The following HYCC1 variants were observed in gnomAD, a reference collection of about 807,000 sequenced individuals.
HYCC1 encodes the protein hyccin PI4KA lipid kinase complex subunit 1.
chr7:22,998,447 A>G, the HYCC1 span, among the ~76,000 whole-genome samples: 1 of 152,160 alleles, frequency 6.6e-6, no homozygotes, highest in African/African-American at 2.4e-5. Flanking sequence ...AACATAGCAC[A>G]TGACTCAGTG....
the HYCC1 span, among the ~76,000 whole-genome samples, chr7:23,012,802 A>G: frequency 3.9e-5 from 6 of 152,202 alleles, no homozygotes; most frequent in Admixed American, 1.3e-4. Context: ...CTTTATGGCA[A>G]TAAGATTTGA....
At chr7:22,911,921 A>G in the HYCC1 span, among the ~76,000 whole-genome samples, 1 of 152,228 alleles carries the variant, frequency 6.6e-6, no homozygotes, top group Non-Finnish European at 1.5e-5. Flanking sequence ...AATCAGTGAA[A>G]TAAGAAGAGA....
the HYCC1 span, among the ~76,000 whole-genome samples, chr7:22,965,283 T>A: frequency 6.6e-6 from 1 of 152,016 alleles, no homozygotes; most frequent in African/African-American, 2.4e-5. Context: ...TCAAACTTCA[T>A]GCAGTATACC....
chr7:22,922,366 T>C, the HYCC1 span, among the ~76,000 whole-genome samples: 1 of 152,226 alleles, frequency 6.6e-6, no homozygotes, highest in African/African-American at 2.4e-5. Flanking sequence ...GCTGAAAATA[T>C]TATAAGTCAA....
the HYCC1 span, among the ~76,000 whole-genome samples, chr7:22,906,544 A>G: frequency 0.017 from 2,535 of 150,230 alleles, 75 homozygotes; most frequent in African/African-American, 0.058. Flanking sequence ...CGCCACTGCA[A>G]TCCAGCCTGG....
At chr7:23,013,488 G>A in the HYCC1 span, among the ~76,000 whole-genome samples, 1 of 152,176 alleles carries the variant, frequency 6.6e-6, no homozygotes, top group Non-Finnish European at 1.5e-5. Flanking sequence ...AGAGGCCAGA[G>A]CATCCGCCGC....
the HYCC1 span, among the ~76,000 whole-genome samples, chr7:22,969,128 AAATATCTG>A: frequency 6.6e-6 from 1 of 152,134 alleles, no homozygotes; most frequent in Non-Finnish European, 1.5e-5. Flanking sequence ...AATATCCTAA[AAATATCTG>A]AGTCTCTGGA....
the HYCC1 span, among the ~76,000 whole-genome samples, chr7:22,989,505 G>A: frequency 6.8e-6 from 1 of 146,676 alleles, no homozygotes; most frequent in African/African-American, 2.5e-5. Flanking sequence ...GCACCAACAC[G>A]CCCAGCTAAT....
chr7:22,936,712 C>T, the HYCC1 span: 2 of 152,056 alleles, frequency 1.3e-5, no homozygotes, highest in African/African-American at 4.8e-5. Context: ...GCAAAGCAGA[C>T]TAGAAATACT....
chr7:23,013,772 G>A, the HYCC1 span, among the ~76,000 whole-genome samples: 1 of 151,724 alleles, frequency 6.6e-6, no homozygotes, highest in Non-Finnish European at 1.5e-5. Context: ...CGCCTCGCGC[G>A]GGAGCCGTTA....
the HYCC1 span, among the ~76,000 whole-genome samples, chr7:22,966,856 A>C: frequency 6.6e-6 from 1 of 152,232 alleles, no homozygotes; most frequent in African/African-American, 2.4e-5. Flanking sequence ...AAGAGTAAAA[A>C]GTAAGCAGGG....
At chr7:22,994,997 A>G in the HYCC1 span, among the ~76,000 whole-genome samples, 3 of 152,090 alleles carry the variant, frequency 2.0e-5, no homozygotes, top group Admixed American at 6.6e-5. Context: ...ATTACCAGCA[A>G]AATCCTCTAC....
At chr7:23,007,245 G>A in the HYCC1 span, among the ~76,000 whole-genome samples, 10 of 152,110 alleles carry the variant, frequency 6.6e-5, no homozygotes, top group Admixed American at 2.0e-4. Flanking sequence ...TCAGTAATAT[G>A]GGGTGAAGAA....
chr7:22,918,741 C>T, the HYCC1 span, among the ~76,000 whole-genome samples: 5 of 152,024 alleles, frequency 3.3e-5, no homozygotes, highest in Admixed American at 6.6e-5. Context: ...CACCCCTGCC[C>T]GCAAGAGAAC....
the HYCC1 span, chr7:22,960,287 C>T: frequency 1.6e-5 from 26 of 1,613,682 alleles, no homozygotes; most frequent in Non-Finnish European, 6.8e-6. Flanking sequence ...CCCTTATTGA[C>T]ATGCTGGTTA....
chr7:22,906,290 C>T, the HYCC1 span, among the ~76,000 whole-genome samples: 14 of 152,156 alleles, frequency 9.2e-5, no homozygotes, highest in Non-Finnish European at 1.3e-4. Context: ...TTTATCTCAG[C>T]TATGAAAGAA....
the HYCC1 span, among the ~76,000 whole-genome samples, chr7:22,899,536 A>T: frequency 5.8e-4 from 89 of 152,358 alleles, no homozygotes; most frequent in South Asian, 9.7e-3. Context: ...TAGAGAATTT[A>T]TAATTCAATC....
At chr7:22,966,805 A>T in the HYCC1 span, among the ~76,000 whole-genome samples, 1 of 152,192 alleles carries the variant, frequency 6.6e-6, no homozygotes, top group Non-Finnish European at 1.5e-5. Flanking sequence ...AATCAACATA[A>T]ATGCATTTGA....
At chr7:23,002,134 T>TTGTG in the HYCC1 span, among the ~76,000 whole-genome samples, 1 of 93,244 alleles carries the variant, frequency 1.1e-5, no homozygotes. Context: ...ATGGTAAAAA[T>TTGTG]TGTATATATA....
Sources: gnomAD v4.1 joint callset for allele counts (sites outside exome capture counted in the v4.1 genomes callset) on GRCh38, gnomAD v4.1.1 for gene constraint, MANE v1.5 for transcripts, NCBI Gene and HGNC (gene_info 2026-07-23, HGNC 2026-07-21) for gene names.